The following PMFBP1 variants were observed in gnomAD, a reference collection of about 807,000 sequenced individuals.
The protein encoded by PMFBP1 is polyamine-modulated factor 1-binding protein 1.
In PMFBP1, 131 loss-of-function variants were observed where a neutral mutation model predicts 137.8. The observed-to-expected ratio is 0.95, with a 90% CI of 0.82 to 1.10. PMFBP1 has a LOEUF of 1.10. Ranked by LOEUF, PMFBP1 falls within the 50% of genes least tolerant of loss-of-function variation. The pLI, the probability that PMFBP1 is intolerant of heterozygous loss-of-function variation, is 0.00. For missense variants in PMFBP1, 1,199 were observed against 1,175.4 expected (o/e 1.02, Z -0.29); for synonymous variants, 490 against 450.4 (o/e 1.09, Z -1.11).
chr16:72,127,601 T>C (rs2042480871), intron 14 of PMFBP1, among the ~76,000 whole-genome samples: 1 of 152,232 alleles, frequency 6.6e-6, no homozygotes, highest in Non-Finnish European at 1.5e-5. Flanking sequence ...GTGGTTTAGC[T>C]TGGAGAAAGA....
chr16:72,156,931 T>C (rs1363649249), intron 3 of PMFBP1, among the ~76,000 whole-genome samples: 2 of 151,946 alleles, frequency 1.3e-5, no homozygotes, highest in East Asian at 3.9e-4. Flanking sequence ...CTCACACCTG[T>C]AATCCCAGCA....
intron 20 of PMFBP1, chr16:72,119,638 C>A: frequency 6.9e-7 from 1 of 1,443,876 alleles, no homozygotes; most frequent in Non-Finnish European, 9.0e-7. Context: ...AGATGTGAGG[C>A]ACTTGGGTAT....
the PMFBP1 span, among the ~76,000 whole-genome samples, chr16:72,182,859 C>T: frequency 6.6e-6 from 1 of 152,190 alleles, no homozygotes; most frequent in Non-Finnish European, 1.5e-5. Context: ...CTCTCTGCCT[C>T]TCTCCCCTCC....
chr16:72,213,327 T>A, the PMFBP1 span, among the ~76,000 whole-genome samples: 1 of 152,166 alleles, frequency 6.6e-6, no homozygotes, highest in Non-Finnish European at 1.5e-5. Flanking sequence ...TTCTAATACA[T>A]GGAATATGAT....
the PMFBP1 span, among the ~76,000 whole-genome samples, chr16:72,194,343 T>G: frequency 1.3e-5 from 2 of 151,350 alleles, no homozygotes; most frequent in African/African-American, 4.9e-5. Flanking sequence ...TTGCACATTC[T>G]TTTTTTTTGG....
Position 72,119,859 on chromosome 16 carries a change from T to C in PMFBP1, c.2999A>G (p.His1000Arg). The C allele has an allele frequency of 1.2e-6, 2 of 1,614,000 alleles. No homozygotes were observed. Among genetic ancestry groups the C allele is most frequent in the Non-Finnish European group, 1.7e-6 (2 of 1,179,948 alleles). The change falls in exon 20 of 21, where the codon CAC becomes CGC. Residue 1000 changes from histidine to arginine, a missense_variant. Physicochemically the swap from His to Arg is conservative, Grantham distance 29. Transcript: ENST00000237353. ...MDLTKYIGMP[H>R]CPGSSYC ...ACAAATGGCAGACGTACCCGGGCAG[T>C]GGGGCATCCCGATGTACTTGGTGAG... is the stretch of plus-strand genomic sequence containing the variant.
the PMFBP1 span, among the ~76,000 whole-genome samples, chr16:72,219,456 T>C: frequency 1.3e-5 from 2 of 152,102 alleles, no homozygotes; most frequent in Admixed American, 1.3e-4. Flanking sequence ...CCACAGGACT[T>C]GCTCACTGAC....
chr16:72,243,221 C>T, the PMFBP1 span, among the ~76,000 whole-genome samples: 2 of 152,300 alleles, frequency 1.3e-5, no homozygotes, highest in South Asian at 2.1e-4. Context: ...ATTCCATAAA[C>T]AATTATTTTC....
chr16:72,169,998 G>T (rs1045315552), intron 2 of PMFBP1, among the ~76,000 whole-genome samples: 6 of 151,072 alleles, frequency 4.0e-5, no homozygotes, highest in African/African-American at 1.5e-4. Context: ...ATGGAACGTG[G>T]GCTGATTTTT....
chr16:72,244,927 G>A, the PMFBP1 span, among the ~76,000 whole-genome samples: 10,908 of 152,212 alleles, frequency 0.072, 1,045 homozygotes, highest in African/African-American at 0.22. Flanking sequence ...TAGGGAGCAA[G>A]GGGCCCCGCT....
chr16:72,180,377 C>A (rs11643192), upstream of PMFBP1, among the ~76,000 whole-genome samples: 66,901 of 151,784 alleles, frequency 0.44, 15,159 homozygotes, highest in South Asian at 0.56. Context: ...ATACTTTTCA[C>A]AAGCATCCTT....
chr16:72,215,368 GA>G, the PMFBP1 span, among the ~76,000 whole-genome samples: 14 of 126,040 alleles, frequency 1.1e-4, no homozygotes, highest in African/African-American at 3.6e-4. Flanking sequence ...GAGAGAGAGA[GA>G]AAAAAAAAAC....
chr16:72,157,011 C>A (rs924264785), intron 3 of PMFBP1, among the ~76,000 whole-genome samples: 6 of 151,310 alleles, frequency 4.0e-5, no homozygotes, highest in Admixed American at 6.6e-5. Context: ...CACGGTGAAA[C>A]CCCATCTCTA....
upstream of PMFBP1, among the ~76,000 whole-genome samples, chr16:72,175,666 T>C (rs2043256614): frequency 6.6e-6 from 1 of 152,238 alleles, no homozygotes; most frequent in Non-Finnish European, 1.5e-5. Flanking sequence ...ATTAAAGCTA[T>C]CTTTGTGGGA....
At chr16:72,206,057 G>C in the PMFBP1 span, among the ~76,000 whole-genome samples, 3 of 152,198 alleles carry the variant, frequency 2.0e-5, no homozygotes, top group East Asian at 5.8e-4. Flanking sequence ...ATAATAGCTT[G>C]CTATTGGGAA....
the PMFBP1 span, among the ~76,000 whole-genome samples, chr16:72,191,288 A>T: frequency 0.057 from 8,661 of 152,340 alleles, 638 homozygotes; most frequent in South Asian, 0.34. Flanking sequence ...CAATTTTACT[A>T]GTGTCTTGCC....
At chr16:72,193,258 T>C in the PMFBP1 span, among the ~76,000 whole-genome samples, 1 of 152,060 alleles carries the variant, frequency 6.6e-6, no homozygotes, top group Non-Finnish European at 1.5e-5. Flanking sequence ...GGTGTAGTGG[T>C]GCACACCTGT....
the PMFBP1 span, among the ~76,000 whole-genome samples, chr16:72,211,475 G>A: frequency 1.3e-5 from 2 of 152,112 alleles, no homozygotes; most frequent in Admixed American, 6.6e-5. Flanking sequence ...AATGCTCCCT[G>A]TTTAGAATCT....
chr16:72,140,335 A>G, intron 6 of PMFBP1, 77 bp downstream of exon 6: 2 of 1,395,258 alleles, frequency 1.4e-6, no homozygotes, highest in Non-Finnish European at 2.0e-6. Context: ...AATTTAGGTG[A>G]CTCTTTTCCC....
Sources: gnomAD v4.1 joint callset for allele counts (sites outside exome capture counted in the v4.1 genomes callset) on GRCh38, gnomAD v4.1.1 for gene constraint, MANE v1.5 for transcripts, NCBI Gene and HGNC (gene_info 2026-07-23, HGNC 2026-07-21) for gene names.